Variants in ERBB4 observed in about 807,000 individuals in gnomAD.
ERBB4 encodes the protein receptor tyrosine-protein kinase erbB-4.
ERBB4 carries 42 observed loss-of-function variants against 158.0 expected under a neutral mutation model. That is an observed-to-expected ratio of 0.27 (90% CI 0.21 to 0.34). ERBB4 has a LOEUF of 0.34. Among genes scored for constraint, ERBB4 ranks in the 10% least tolerant of loss-of-function variants. The pLI, the probability that ERBB4 is intolerant of heterozygous loss-of-function variation, is 1.00. For synonymous variants in ERBB4, 583 were observed against 558.7 expected, an observed-to-expected ratio of 1.04 and a Z score of -0.61; for missense variants, 1,333 against 1,624.1, an observed-to-expected ratio of 0.82 and a Z score of 3.08.
intron 1 of ERBB4, among the ~76,000 whole-genome samples, chr2:212,171,708 G>A (rs1264621475): frequency 6.6e-6 from 1 of 152,076 alleles, no homozygotes; most frequent in Admixed American, 6.6e-5. Context: ...CCTTTACATA[G>A]TTCTCTTGCC....
chr2:211,652,570 G>C (rs767913603), intron 16 of ERBB4, among the ~76,000 whole-genome samples: 21 of 152,228 alleles, frequency 1.4e-4, no homozygotes, highest in Admixed American at 2.0e-4. Flanking sequence ...TATCACACAT[G>C]GGTCACACTG....
intron 1 of ERBB4, among the ~76,000 whole-genome samples, chr2:212,231,516 A>C (rs969874834): frequency 8.5e-5 from 13 of 152,230 alleles, no homozygotes; most frequent in African/African-American, 2.9e-4. Context: ...AATGCCTTCA[A>C]AGAAACCTCT....
chr2:212,505,068 TCTTG>T (rs1382565542), intron 1 of ERBB4, among the ~76,000 whole-genome samples: 1 of 151,810 alleles, frequency 6.6e-6, no homozygotes, highest in Non-Finnish European at 1.5e-5. Flanking sequence ...TGTTTCTTAC[TCTTG>T]CTTTTGTTTT....
At chr2:212,519,424 A>G (rs568035025) in intron 1 of ERBB4, among the ~76,000 whole-genome samples, 8 of 152,058 alleles carry the variant, frequency 5.3e-5, no homozygotes, top group African/African-American at 1.9e-4. Flanking sequence ...GAATGTATTG[A>G]TGGCTACAGT....
chr2:211,913,050 T>C (rs72933744), intron 3 of ERBB4, among the ~76,000 whole-genome samples: 24,633 of 152,084 alleles, frequency 0.16, 2,202 homozygotes, highest in Non-Finnish European at 0.18. Flanking sequence ...TATAAGCTTC[T>C]GTACCTCATA....
chr2:212,350,186 C>G (rs1379980914), intron 1 of ERBB4, among the ~76,000 whole-genome samples: 1 of 152,026 alleles, frequency 6.6e-6, no homozygotes, highest in Non-Finnish European at 1.5e-5. Flanking sequence ...CCAATATGCT[C>G]TCATGTTTTG....
At chr2:212,349,550 T>C (rs1168551784) in intron 1 of ERBB4, among the ~76,000 whole-genome samples, 1 of 152,140 alleles carries the variant, frequency 6.6e-6, no homozygotes, top group African/African-American at 2.4e-5. Context: ...GGTTAGCACT[T>C]ATTGATATTG....
At chr2:211,394,493 A>G (rs1485079942) in intron 25 of ERBB4, among the ~76,000 whole-genome samples, 1 of 152,202 alleles carries the variant, frequency 6.6e-6, no homozygotes, top group Non-Finnish European at 1.5e-5. Context: ...GCATATAGCC[A>G]GAAACCTAAA....
intron 2 of ERBB4, among the ~76,000 whole-genome samples, chr2:211,958,022 A>G (rs958697421): frequency 8.5e-5 from 13 of 152,104 alleles, no homozygotes; most frequent in African/African-American, 3.1e-4. Flanking sequence ...TTCTGTGACT[A>G]GTCTGTTGTT....
chr2:212,086,959 C>T (rs755219149), intron 2 of ERBB4, among the ~76,000 whole-genome samples: 59 of 151,990 alleles, frequency 3.9e-4, no homozygotes, highest in Non-Finnish European at 8.1e-4. Context: ...TCGAATAGAG[C>T]CTGTTAGAGA....
chr2:212,148,430 C>G (rs1294543845), intron 1 of ERBB4, among the ~76,000 whole-genome samples: 1 of 151,996 alleles, frequency 6.6e-6, no homozygotes, highest in Non-Finnish European at 1.5e-5. Flanking sequence ...TCCTTTATGG[C>G]ACAGAAAAAC....
In ERBB4 at chr2:211,704,204, A is replaced by G. The variant is rs2106046477; in HGVS notation, c.1199-10T>C. On this transcript the variant is annotated splice_polypyrimidine_tract_variant and intron_variant, in intron 10 of 27. Transcript: ENST00000342788. ...TGTATGTTCAGGAAACCTACAAGTGAAGAGTAGAAAAAATAAATCAGAATA... is the reference window on the plus strand; with the variant it reads ...TGTATGTTCAGGAAACCTACAAGTGGAGAGTAGAAAAAATAAATCAGAATA... 1 of 1,529,456 alleles carries G rather than the reference A, an allele frequency of 6.5e-7. No homozygotes were observed. Among genetic ancestry groups the G allele is most frequent in the Non-Finnish European group, 9.1e-7 (1 of 1,102,734 alleles). The allele number at this position is 1,529,456 out of a possible 1,614,324, so 94.7% of individuals were successfully genotyped here.
rs1345594322 is a variant in ERBB4 at position 211,684,056 on chromosome 2, T to C, written c.1490-4872A>G. Reference sequence around the variant, plus strand: ...ATTTCGTTTATTTATTTATTTGCTATTTAGTGCTACTTTTTGTTCTTTATA... The same window carrying C: ...ATTTCGTTTATTTATTTATTTGCTACTTAGTGCTACTTTTTGTTCTTTATA... On this transcript the variant is annotated intron_variant, in intron 12 of 27. Transcript: ENST00000342788. Among the ~76,000 whole-genome samples the C allele has an allele frequency of 2.0e-5, 3 of 152,216 alleles. No homozygotes were observed. The East Asian group carries it at 5.8e-4, about 29-fold the overall frequency.
At chr2:211,693,934 C>T (rs1430869092) in intron 12 of ERBB4, among the ~76,000 whole-genome samples, 2 of 152,080 alleles carry the variant, frequency 1.3e-5, no homozygotes, top group Non-Finnish European at 1.5e-5. Context: ...TTCCAATAGT[C>T]GCTTCTGCTG....
At chr2:212,105,351 C>T (rs1321646125) in intron 2 of ERBB4, among the ~76,000 whole-genome samples, 1 of 152,134 alleles carries the variant, frequency 6.6e-6, no homozygotes, top group Non-Finnish European at 1.5e-5. Flanking sequence ...CACTGAATTG[C>T]ATTGTGTAAA....
intron 20 of ERBB4, among the ~76,000 whole-genome samples, chr2:211,496,311 A>G (rs1235319639): frequency 6.6e-6 from 1 of 151,630 alleles, no homozygotes; most frequent in African/African-American, 2.4e-5. Flanking sequence ...CCATAAATAG[A>G]CCCCTATATA....
At chr2:211,852,211 CATG>C (rs1200260415) in intron 3 of ERBB4, among the ~76,000 whole-genome samples, 2 of 151,708 alleles carry the variant, frequency 1.3e-5, no homozygotes, top group African/African-American at 4.8e-5. Context: ...TACATTGCCC[CATG>C]TTGAAGCCAT....
intron 4 of ERBB4, among the ~76,000 whole-genome samples, chr2:211,756,022 T>C (rs1249820856): frequency 6.6e-6 from 1 of 152,314 alleles, no homozygotes; most frequent in African/African-American, 2.4e-5. Flanking sequence ...AATAATACCT[T>C]TTTTATGACC....
At chr2:211,861,350 GTTTTTTTTTTTTT>G (rs67133944) in intron 3 of ERBB4, among the ~76,000 whole-genome samples, 1,505 of 88,856 alleles carry the variant, frequency 0.017, 56 homozygotes, top group African/African-American at 0.054. Flanking sequence ...TTTTTTTTTT[GTTTTTTTTTTTTT>G]TTTTTTACTT....
Sources: allele counts gnomAD v4.1 joint callset (sites outside exome capture counted in the v4.1 genomes callset), GRCh38; gene constraint gnomAD v4.1.1; transcripts MANE v1.5; gene names NCBI Gene and HGNC (gene_info 2026-07-23, HGNC 2026-07-21).